Variants in TNS2 observed in about 807,000 individuals in gnomAD.
The protein encoded by TNS2 is tensin 2, also known as tensin-2.
A neutral mutation model predicts 155.7 loss-of-function variants in TNS2; 77 were observed. That is an observed-to-expected ratio of 0.49 (90% CI 0.41 to 0.60). The LOEUF is 0.60. TNS2 is among the 20% of genes least tolerant of loss of function. The pLI is 0.00. For synonymous variants in TNS2, 726 were observed against 763.9 expected (o/e 0.95, Z 0.82); for missense variants, 1,703 against 1,868.8 (o/e 0.91, Z 1.64).
chr12:53,059,162 C>A lies in TNS2; in HGVS notation c.1521C>A (p.Leu507=), dbSNP rs552371236. Residue 507 remains leucine (L), a synonymous_variant, in exon 18 of 29, where the codon CTC becomes CTA. Transcript: ENST00000314250. The surrounding 1 kb of genome is among the most constrained non-coding windows in gnomAD (Gnocchi z 4.7). ...CAGAGCCTCCACCACCCCCCATGCT[C>A]TCTGTCAGCAGCGACTCAGGCCATT... ...PSPEPPPPPM[L]SVSSDSGHSS... is the part of the protein sequence containing the mutation. 2.2e-5 allele frequency: 35 copies of A among 1,600,212 alleles called. No homozygotes were observed. The highest frequency in any genetic ancestry group is 8.5e-7 in the Non-Finnish European group (1 of 1,177,374).
chr12:53,063,009 T>C lies in TNS2; in HGVS notation c.3824-80T>C. 6.8e-7 allele frequency: 1 copy of C among 1,473,938 alleles called. No homozygotes were observed. The highest frequency in any genetic ancestry group is 9.0e-7 in the Non-Finnish European group (1 of 1,106,936). 91.3% of individuals were successfully genotyped at this position (1,473,938 alleles called of 1,614,324 possible). On this transcript the variant is annotated intron_variant, in intron 25 of 28. Coordinates refer to ENST00000314250, the MANE Select transcript of TNS2 (RefSeq NM_170754.4). This position sits in a 1 kb window ranked among gnomAD's most constrained non-coding sequence, Gnocchi z 5.6. ...GTGATTGTAAAGCATGTGACAGCAG[T>C]AGCTGGGGAATGTGCAAGAGCTGGT...
chr12:53,051,887 G>A lies in TNS2; in HGVS notation c.108G>A (p.Glu36=). The stretch of plus-strand genomic sequence containing the variant: ...AAGCTGAGCCTCATAGCTTCCGGGA[G>A]AAGGTTTTCCGGAAGAAACCTCCAG... The part of the protein sequence containing the change: ...PRKAEPHSFR[E]KVFRKKPPVC... The change falls in exon 2 of 29, where the codon GAG becomes GAA. Residue 36 remains glutamate (E), a synonymous_variant. Coordinates refer to ENST00000314250, the MANE Select transcript of TNS2 (RefSeq NM_170754.4). 1.9e-6 allele frequency: 3 copies of A among 1,613,758 alleles called. No homozygotes were observed. The highest frequency in any genetic ancestry group is 2.5e-6 in the Non-Finnish European group (3 of 1,179,802).
chr12:53,053,083 G>A (rs920930413), intron 3 of TNS2: 13 of 392,374 alleles, frequency 3.3e-5, no homozygotes, highest in Non-Finnish European at 6.3e-5. Context: ...GCCCAGGGGC[G>A]GGGTCTCCCG....
upstream of TNS2, among the ~76,000 whole-genome samples, chr12:53,047,725 G>A (rs1338939194): frequency 6.6e-6 from 1 of 152,166 alleles, no homozygotes; most frequent in Non-Finnish European, 1.5e-5. Flanking sequence ...CAGGGTGCGG[G>A]CGAACGTTTT....
At chr12:53,057,159 A>T (rs2121119666) in intron 11 of TNS2, 63 bp downstream of exon 11, 2 of 1,519,938 alleles carry the variant, frequency 1.3e-6, no homozygotes, top group East Asian at 4.8e-5. Context: ...CAAGGCCAAG[A>T]CTCTCTTATT....
At position 53,059,785 on chromosome 12, in the gene TNS2, A is replaced by C; in HGVS notation, c.2144A>C (p.Glu715Ala). ...YGLRLEREAGEGWASEAGKPL... is the reference protein window; with the variant it reads ...YGLRLEREAGAGWASEAGKPL... ...CTGCGGCTGGAGAGGGAGGCTGGAG[A>C]AGGGTGGGCAAGTGAGGCTGGCAAG... is the stretch of plus-strand genomic sequence containing the variant. Residue 715 changes from glutamate to alanine, a missense_variant, in exon 18 of 29, where the codon GAA becomes GCA. Physicochemically the swap from Glu to Ala is moderately radical, Grantham distance 107 (BLOSUM62 -1). Coordinates refer to ENST00000314250, the MANE Select transcript of TNS2 (RefSeq NM_170754.4). This position sits in a 1 kb window ranked among gnomAD's most constrained non-coding sequence, Gnocchi z 4.7. 1 of 1,612,440 alleles carries C rather than the reference A, an allele frequency of 6.2e-7. No homozygotes were observed. The highest frequency in any genetic ancestry group is 8.5e-7 in the Non-Finnish European group (1 of 1,179,618).
chr12:53,062,567 C>G, intron 24 of TNS2, 53 bp from the exon 25 acceptor site: 1 of 1,608,858 alleles, frequency 6.2e-7, no homozygotes, highest in Non-Finnish European at 8.5e-7. Flanking sequence ...AGTGCTCCAG[C>G]CTGGGGAACA....
At position 53,050,310 on chromosome 12, in the gene TNS2, G is replaced by A. The variant is rs1391983080; in HGVS notation, c.75+50G>A. On this transcript the variant is annotated intron_variant, in intron 1 of 28. Transcript: ENST00000314250. The surrounding 1 kb of genome is among the most constrained non-coding windows in gnomAD (Gnocchi z 4.7). ...AAAGAGGGGCAGGGGTGGAGGTGCG[G>A]GCAGTGGGGGAGGGGACCAGGAATC... 1 of 1,532,016 alleles carries A rather than the reference G, an allele frequency of 6.5e-7. No individual in the cohort carries two copies. The highest frequency in any genetic ancestry group is 8.8e-7 in the Non-Finnish European group (1 of 1,136,546). 94.9% of individuals were successfully genotyped at this position (1,532,016 alleles called of 1,614,324 possible).
Position 53,060,488 on chromosome 12 carries a change from G to T in TNS2, c.2701G>T (p.Ala901Ser). Reference protein sequence around the residue: ...PRSPRDAPCSASSELSGPSTP... With the variant: ...PRSPRDAPCSSSSELSGPSTP... ...GTCTCCCCGAGATGCCCCATGCAGTGCTTCGTCAGAGTTGTCTGGTCCCTC... is the reference window on the plus strand; with the variant it reads ...GTCTCCCCGAGATGCCCCATGCAGTTCTTCGTCAGAGTTGTCTGGTCCCTC... The change falls in exon 19 of 29, where the codon GCT becomes TCT. Residue 901 changes from alanine to serine, a missense_variant. Coordinates refer to ENST00000314250, the MANE Select transcript of TNS2 (RefSeq NM_170754.4). The surrounding 1 kb of genome is among the most constrained non-coding windows in gnomAD (Gnocchi z 6.1). 1 of 1,613,830 alleles carries T rather than the reference G, an allele frequency of 6.2e-7. No individual in the cohort carries two copies.
rs375052202 is a variant in TNS2, at chr12:53,050,174, C to T, written c.-12C>T. Reference sequence around the variant, plus strand: ...CAGGCCCTGGGGCCAGCACCCCAGCCAGCCGAACACCATGAAGTCCAGCGG... The same window carrying T: ...CAGGCCCTGGGGCCAGCACCCCAGCTAGCCGAACACCATGAAGTCCAGCGG... On this transcript the variant is annotated 5_prime_UTR_variant, in exon 1 of 29. Coordinates refer to ENST00000314250, the MANE Select transcript of TNS2 (RefSeq NM_170754.4). This position sits in a 1 kb window ranked among gnomAD's most constrained non-coding sequence, Gnocchi z 4.7. 69 of 1,610,028 alleles carry T rather than the reference C, an allele frequency of 4.3e-5. No individual in the cohort carries two copies. In the Middle Eastern group the frequency reaches 6.9e-4, roughly 16 times the overall value.
rs1944047220 is a variant in TNS2 at position 53,054,275 on chromosome 12, T to C, written c.356T>C (p.Phe119Ser). Residue 119 changes from phenylalanine (F) to serine (S), a missense_variant, in exon 7 of 29, where the codon TTC becomes TCC. By Grantham distance (155) the Phe-to-Ser change is radical. Transcript: ENST00000314250. ...SKQRSTLPRS[F>S]SLDPLMERRW... ...CGTAGGCTCCTCCTCCCCAGGAGCTTCAGCCTGGACCCGCTCATGGAGCGG... is the reference window on the plus strand; with the variant it reads ...CGTAGGCTCCTCCTCCCCAGGAGCTCCAGCCTGGACCCGCTCATGGAGCGG... 6.2e-7 allele frequency: 1 copy of C among 1,612,722 alleles called. No homozygotes were observed. The highest frequency in any genetic ancestry group is 8.5e-7 in the Non-Finnish European group (1 of 1,179,810).
rs2121126685 is a variant in TNS2 at position 53,058,022 on chromosome 12, C to T, written c.1020-5C>T. 1 of 1,614,128 alleles carries T rather than the reference C, an allele frequency of 6.2e-7. No homozygotes were observed. Among genetic ancestry groups the T allele is most frequent in the Non-Finnish European group, 8.5e-7 (1 of 1,180,042 alleles). ...TCATCTCTGCCTTCTCCTCTCTCCC[C>T]ACAGTCACATTGCAGGCCCTGGTCC... On this transcript the variant is annotated splice_polypyrimidine_tract_variant and splice_region_variant and intron_variant, in intron 13 of 28. Coordinates refer to ENST00000314250, the MANE Select transcript of TNS2 (RefSeq NM_170754.4).
chr12:53,058,378 C>T lies in TNS2; in HGVS notation c.1158C>T (p.Phe386=), dbSNP rs563981300. The T allele has an allele frequency of 1.2e-6, 2 of 1,614,190 alleles. No homozygotes were observed. The highest frequency in any genetic ancestry group is 2.2e-5 in the South Asian group (2 of 91,088). The change falls in exon 15 of 29, where the codon TTC becomes TTT. Residue 386 remains phenylalanine, a synonymous_variant. Transcript: ENST00000314250. ...TDRTLVFRVQ[F]HTCTIHGPQL... ...GGACCCTCGTGTTCCGAGTCCAGTT[C>T]CACACCTGCACCATCCACGGACCAC...
At chr12:53,061,665 A>C in intron 21 of TNS2, 150 bp from the exon 22 acceptor site, 1 of 1,420,382 alleles carries the variant, frequency 7.0e-7, no homozygotes, top group Non-Finnish European at 9.5e-7. Flanking sequence ...ACCCCTGTGA[A>C]CTCTAGAGCC....
upstream of TNS2, among the ~76,000 whole-genome samples, chr12:53,047,380 G>GGCCGC (rs1238261825): frequency 1.3e-4 from 19 of 145,860 alleles, no homozygotes; most frequent in East Asian, 3.4e-3. Context: ...GCAGGTGAGT[G>GGCCGC]GCCGCGCCGC....
In TNS2 at chr12:53,059,334, G is replaced by A; in HGVS notation, c.1693G>A (p.Asp565Asn). The A allele has an allele frequency of 9.0e-6, 13 of 1,447,594 alleles. No individual in the cohort carries two copies. The highest frequency in any genetic ancestry group is 1.2e-5 in the Non-Finnish European group (13 of 1,101,158). The allele number at this position is 1,447,594 out of a possible 1,614,324, so 89.7% of individuals were successfully genotyped here. ...RGAGRETAIL[D>N]DEEQPTVGGG... ...AGCTGGGCGCGAGACGGCCATCCTAGATGACGAAGAGCAGCCCACTGTGGG... is the reference window on the plus strand; with the variant it reads ...AGCTGGGCGCGAGACGGCCATCCTAAATGACGAAGAGCAGCCCACTGTGGG... Residue 565 changes from aspartate (D) to asparagine (N), a missense_variant, in exon 18 of 29, where the codon GAT becomes AAT. Transcript: ENST00000314250. The surrounding 1 kb of genome is among the most constrained non-coding windows in gnomAD (Gnocchi z 4.7).
intron 24 of TNS2, 34 bp downstream of exon 24, chr12:53,062,487 C>T (rs773679159): frequency 1.2e-6 from 2 of 1,611,880 alleles, no homozygotes; most frequent in South Asian, 2.2e-5. Flanking sequence ...CCCCACCTCT[C>T]CCTACCCCCT....
rs547908819 is a variant in TNS2 at position 53,051,881 on chromosome 12, C to T, written c.102C>T (p.Phe34=). Reference sequence around the variant, plus strand: ...CTAGGAAAGCTGAGCCTCATAGCTTCCGGGAGAAGGTTTTCCGGAAGAAAC... The same window carrying T: ...CTAGGAAAGCTGAGCCTCATAGCTTTCGGGAGAAGGTTTTCCGGAAGAAAC... ...SRPRKAEPHS[F]REKVFRKKPP... Residue 34 remains phenylalanine (F), a synonymous_variant, in exon 2 of 29, where the codon TTC becomes TTT. Transcript: ENST00000314250. 9 of 1,613,682 alleles carry T rather than the reference C, an allele frequency of 5.6e-6. No individual in the cohort carries two copies. Among genetic ancestry groups the T allele is most frequent in the Middle Eastern group, 1.7e-4 (1 of 6,058 alleles).
intron 5 of TNS2, 21 bp downstream of exon 5, chr12:53,053,833 G>A (rs1455365138): frequency 6.2e-7 from 1 of 1,613,650 alleles, no homozygotes; most frequent in Non-Finnish European, 8.5e-7. Flanking sequence ...GCTGGAGCAG[G>A]AGGGGGAAGC....
Sources: allele counts gnomAD v4.1 joint callset (sites outside exome capture counted in the v4.1 genomes callset), GRCh38; gene constraint gnomAD v4.1.1; non-coding constraint Gnocchi (gnomAD v3.1); transcripts MANE v1.5; gene names NCBI Gene and HGNC (gene_info 2026-07-23, HGNC 2026-07-21).